SGMS2: variants seen among roughly 807,000 people sequenced by gnomAD.
SGMS2 encodes sphingomyelin synthase 2.
In SGMS2, 21 loss-of-function variants were observed where a neutral mutation model predicts 43.8. The observed-to-expected ratio is 0.48, with a 90% CI of 0.34 to 0.69. The LOEUF (loss-of-function observed/expected upper bound fraction) is 0.69, where lower values mean the gene tolerates loss of function less well. SGMS2 is among the 30% of genes least tolerant of loss of function. The pLI, the probability that SGMS2 is intolerant of heterozygous loss-of-function variation, is 0.01. For missense variants in SGMS2, 384 were observed against 443.2 expected, an observed-to-expected ratio of 0.87 and a Z score of 1.20; for synonymous variants, 167 against 160.6, an observed-to-expected ratio of 1.04 and a Z score of -0.30.
chr4:107,831,432 T>C (rs1174822795), intron 1 of SGMS2, among the ~76,000 whole-genome samples: 1 of 152,170 alleles, frequency 6.6e-6, no homozygotes, highest in African/African-American at 2.4e-5. Flanking sequence ...AACCTCCATT[T>C]CTTGGCTGTA....
chr4:107,866,566 CAAAA>C (rs35182175), intron 2 of SGMS2, among the ~76,000 whole-genome samples: 4 of 132,004 alleles, frequency 3.0e-5, no homozygotes, highest in African/African-American at 1.1e-4. Flanking sequence ...AGCTCTGTCT[CAAAA>C]AAAAACCAAA....
intron 1 of SGMS2, among the ~76,000 whole-genome samples, chr4:107,836,145 C>A (rs1383078981): frequency 6.6e-6 from 1 of 152,094 alleles, no homozygotes. Flanking sequence ...GATGTATATT[C>A]TACACTTACA....
intron 1 of SGMS2, among the ~76,000 whole-genome samples, chr4:107,833,803 G>A (rs930591651): frequency 2.0e-5 from 3 of 152,224 alleles, no homozygotes; most frequent in Non-Finnish European, 4.4e-5. Context: ...GGTGAGCCCA[G>A]TGTAATCACA....
chr4:107,835,969 G>A (rs936095887), intron 1 of SGMS2, among the ~76,000 whole-genome samples: 4 of 152,140 alleles, frequency 2.6e-5, no homozygotes, highest in African/African-American at 9.7e-5. Flanking sequence ...TATGTAATTT[G>A]AGTTTTCGAA....
rs1405996394 is a variant in SGMS2, at chr4:107,912,697, T to TA, written c.*2150dup. On this transcript the variant is annotated 3_prime_UTR_variant, in exon 7 of 7. Transcript: ENST00000690982. ...GAAAAAGTGTTTAAACTTAATAAAA[T>TA]AAAAAATTGTGCACCAATTACTACA... 6.6e-6 allele frequency: 1 copy of TA among 152,132 alleles called. No homozygotes were observed. Among genetic ancestry groups the TA allele is most frequent in the Non-Finnish European group, 1.5e-5 (1 of 68,020 alleles). 9.4% of individuals were successfully genotyped at this position (152,132 alleles called of 1,614,324 possible).
At chr4:107,882,322 A>G (rs915523857) in intron 2 of SGMS2, among the ~76,000 whole-genome samples, 1 of 152,174 alleles carries the variant, frequency 6.6e-6, no homozygotes, top group Non-Finnish European at 1.5e-5. Context: ...GTTAGATGAT[A>G]TCTCATTGTA....
intron 2 of SGMS2, among the ~76,000 whole-genome samples, chr4:107,894,634 G>C (rs543782116): frequency 1.3e-4 from 20 of 152,286 alleles, no homozygotes; most frequent in Admixed American, 1.3e-3. Context: ...ACCTGCGTGA[G>C]AGACATAGCT....
chr4:107,888,760 T>C (rs538966450), intron 2 of SGMS2, among the ~76,000 whole-genome samples: 4 of 152,266 alleles, frequency 2.6e-5, no homozygotes, highest in African/African-American at 9.6e-5. Context: ...AAAGAATGTT[T>C]TCCTACAAAT....
intron 5 of SGMS2, chr4:107,908,206 C>A: frequency 5.8e-6 from 1 of 173,730 alleles, no homozygotes; most frequent in Admixed American, 5.9e-5. Context: ...TCTTTCTTTC[C>A]AGTGGGAAAG....
At chr4:107,843,914 AC>A (rs758141919) in intron 1 of SGMS2, among the ~76,000 whole-genome samples, 7 of 152,182 alleles carry the variant, frequency 4.6e-5, no homozygotes, top group Non-Finnish European at 7.4e-5. Context: ...ATTTTTGGGG[AC>A]CTGGCTGTTA....
At chr4:107,828,947 A>G (rs920935380) in intron 1 of SGMS2, among the ~76,000 whole-genome samples, 1 of 152,200 alleles carries the variant, frequency 6.6e-6, no homozygotes, top group Non-Finnish European at 1.5e-5. Flanking sequence ...TGTTATTTTT[A>G]TTAGCCATGA....
intron 2 of SGMS2, among the ~76,000 whole-genome samples, chr4:107,859,736 A>G (rs1383321911): frequency 6.6e-6 from 1 of 152,188 alleles, no homozygotes; most frequent in African/African-American, 2.4e-5. Flanking sequence ...CAGAGCAGGG[A>G]GGCACAGAGG....
At chr4:107,840,125 A>T (rs1726415617) in intron 1 of SGMS2, among the ~76,000 whole-genome samples, 1 of 152,236 alleles carries the variant, frequency 6.6e-6, no homozygotes, top group Non-Finnish European at 1.5e-5. Context: ...TTTTATACAC[A>T]TATGCACATA....
intron 1 of SGMS2, among the ~76,000 whole-genome samples, chr4:107,829,148 T>C (rs578038008): frequency 6.6e-6 from 1 of 152,358 alleles, no homozygotes; most frequent in East Asian, 1.9e-4. Flanking sequence ...TCCATCCATT[T>C]TAAATAGGTC....
intron 1 of SGMS2, among the ~76,000 whole-genome samples, chr4:107,827,702 G>A (rs1239093255): frequency 6.6e-6 from 1 of 152,154 alleles, no homozygotes; most frequent in Admixed American, 6.5e-5. Flanking sequence ...TATTTGCTGT[G>A]TGGCTGGGTG....
chr4:107,910,627 AT>A lies in SGMS2; in HGVS notation c.*78del. ...AACCAAAGGTATAGTTTTGTTTTTT[AT>A]TTTAGGAGAACTGACTGGTAAATGA... On this transcript the variant is annotated 3_prime_UTR_variant, in exon 7 of 7. Transcript: ENST00000690982. The A allele has an allele frequency of 7.1e-7, 1 of 1,408,432 alleles. No homozygotes were observed. Among genetic ancestry groups the A allele is most frequent in the Non-Finnish European group, 9.6e-7 (1 of 1,037,952 alleles). The allele number at this position is 1,408,432 out of a possible 1,614,324, so 87.2% of individuals were successfully genotyped here.
chr4:107,882,133 G>A (rs1325280247), intron 2 of SGMS2, among the ~76,000 whole-genome samples: 2 of 152,114 alleles, frequency 1.3e-5, no homozygotes, highest in East Asian at 1.9e-4. Flanking sequence ...CCCAGCAGTG[G>A]GATAGCTGGA....
At chr4:107,907,599 G>A (rs549663129) in intron 5 of SGMS2, among the ~76,000 whole-genome samples, 14 of 152,218 alleles carry the variant, frequency 9.2e-5, no homozygotes, top group South Asian at 4.2e-4. Context: ...CGACAAGAGC[G>A]AAACTCCCTC....
rs924088475 is a variant in SGMS2, at chr4:107,878,471, A to G, written c.-244-16839A>G. Among the ~76,000 whole-genome samples the G allele has an allele frequency of 3.3e-5, 5 of 152,330 alleles. No homozygotes were observed. The East Asian group carries it at 7.7e-4, about 24-fold the overall frequency. On this transcript the variant is annotated intron_variant, in intron 2 of 6. Transcript: ENST00000690982. Reference sequence around the variant, plus strand: ...AATGGAAATGTGAAGAATTATTTCAAATATCCCCTAGTCTTTGACCTTGTT... The same window carrying G: ...AATGGAAATGTGAAGAATTATTTCAGATATCCCCTAGTCTTTGACCTTGTT...
Sources: gnomAD v4.1 joint callset for allele counts (sites outside exome capture counted in the v4.1 genomes callset) on GRCh38, gnomAD v4.1.1 for gene constraint, MANE v1.5 for transcripts, NCBI Gene and HGNC (gene_info 2026-07-23, HGNC 2026-07-21) for gene names.